Variants in WWOX observed in about 807,000 individuals in gnomAD.
The protein encoded by WWOX is WW domain containing oxidoreductase.
WWOX carries 69 observed loss-of-function variants against 46.2 expected under a neutral mutation model. That is an observed-to-expected ratio of 1.49 (90% confidence interval 1.23 to 1.82). The LOEUF is 1.82. Ranked by LOEUF, WWOX falls within the 40% of genes most tolerant of loss-of-function variation. The pLI is 0.00. For missense variants in WWOX, 919 were observed against 542.6 expected (o/e 1.69, Z -6.89); for synonymous variants, 359 against 202.6 (o/e 1.77, Z -6.56).
At chr16:79,051,491 C>T (rs2048166218) in intron 8 of WWOX, among the ~76,000 whole-genome samples, 1 of 127,686 alleles carries the variant, frequency 7.8e-6, no homozygotes, top group Non-Finnish European at 1.6e-5. Context: ...GCCACTAACA[C>T]TTATGTCATT....
intron 8 of WWOX, among the ~76,000 whole-genome samples, chr16:78,677,145 C>T (rs950930938): frequency 6.6e-6 from 1 of 151,890 alleles, no homozygotes; most frequent in Non-Finnish European, 1.5e-5. Flanking sequence ...ACAGTGTTTA[C>T]AGACCCCAAA....
At position 78,953,026 on chromosome 16, in the gene WWOX, ATTT is replaced by A. The variant is rs34067772; in HGVS notation, c.1057-258572_1057-258570del. ...TGATTTGTGGTTATTGCTTCCCTGG[ATTT>A]TTTTTTTTTCCAGTTGTTGTTGTTC... On this transcript the variant is annotated intron_variant, in intron 8 of 8. Coordinates refer to ENST00000566780, the MANE Select transcript of WWOX (RefSeq NM_016373.4). Among the ~76,000 whole-genome samples, 15 of 147,756 alleles carry A rather than the reference ATTT, an allele frequency of 1.0e-4. 1 individual carries two copies. Among genetic ancestry groups the A allele is most frequent in the Admixed American group, 9.5e-4 (14 of 14,798 alleles).
At chr16:78,862,380 A>G (rs889115438) in intron 8 of WWOX, among the ~76,000 whole-genome samples, 4 of 151,516 alleles carry the variant, frequency 2.6e-5, no homozygotes, top group Middle Eastern at 3.5e-3. Flanking sequence ...TATATAGAGT[A>G]TACATATACA....
chr16:78,353,229 T>C (rs935805468), intron 5 of WWOX, among the ~76,000 whole-genome samples: 2 of 152,182 alleles, frequency 1.3e-5, no homozygotes, highest in Admixed American at 6.5e-5. Flanking sequence ...TGAGATTGTT[T>C]ATGTAGGGGC....
At chr16:78,115,441 G>T (rs1228823488) in intron 4 of WWOX, among the ~76,000 whole-genome samples, 3 of 152,148 alleles carry the variant, frequency 2.0e-5, no homozygotes, top group Non-Finnish European at 4.4e-5. Context: ...AAGAGTTTTT[G>T]ACCTGGTCTG....
chr16:78,760,637 C>G (rs2049768787), intron 8 of WWOX, among the ~76,000 whole-genome samples: 2 of 152,190 alleles, frequency 1.3e-5, no homozygotes, highest in Admixed American at 1.3e-4. Context: ...GTCTTTGGAG[C>G]TCACAGCCAA....
At chr16:79,058,806 G>A (rs2347088) in intron 8 of WWOX, among the ~76,000 whole-genome samples, 94,201 of 152,044 alleles carry the variant, frequency 0.62, 29,683 homozygotes, top group African/African-American at 0.71. Context: ...TTTGTTGTGT[G>A]TGTAAAATTC....
At chr16:78,132,577 C>T (rs542151043) in intron 4 of WWOX, among the ~76,000 whole-genome samples, 3 of 152,104 alleles carry the variant, frequency 2.0e-5, no homozygotes, top group Non-Finnish European at 4.4e-5. Context: ...ATGTCCAGTC[C>T]ATGCTTATAA....
chr16:78,142,843 A>T (rs1489109045), intron 4 of WWOX, among the ~76,000 whole-genome samples: 1 of 152,234 alleles, frequency 6.6e-6, no homozygotes, highest in Admixed American at 6.5e-5. Flanking sequence ...ATTTACTTAG[A>T]AACTGCCTTA....
chr16:78,942,047 C>G (rs2045862216), intron 8 of WWOX, among the ~76,000 whole-genome samples: 1 of 152,134 alleles, frequency 6.6e-6, no homozygotes, highest in Non-Finnish European at 1.5e-5. Context: ...CTCGCCTGGT[C>G]TAGCCGCTGA....
rs534081037 is a variant in WWOX, at chr16:78,778,851, C to A, written c.1056+346099C>A. 6.9e-4 allele frequency among the ~76,000 whole-genome samples: 105 copies of A among 152,294 alleles called. 1 individual carries two copies. Among genetic ancestry groups the A allele is most frequent in the African/African-American group, 2.5e-3 (104 of 41,572 alleles). On this transcript the variant is annotated intron_variant, in intron 8 of 8. Transcript: ENST00000566780. The stretch of plus-strand genomic sequence containing the variant: ...GCTCGTAAAGCCCCGGCGTCTCCTC[C>A]TAGAAGAAACACCCACATTGACCCA...
intron 5 of WWOX, among the ~76,000 whole-genome samples, chr16:78,343,136 G>A (rs1398378605): frequency 1.7e-5 from 2 of 119,870 alleles, no homozygotes; most frequent in Non-Finnish European, 4.0e-5. Flanking sequence ...GACAACAGCA[G>A]GATGCAAGAT....
At chr16:78,863,992 C>T (rs544136590) in intron 8 of WWOX, among the ~76,000 whole-genome samples, 1 of 152,134 alleles carries the variant, frequency 6.6e-6, no homozygotes, top group African/African-American at 2.4e-5. Flanking sequence ...TTTCTCCTTT[C>T]ATCTGTTGAT....
intron 8 of WWOX, among the ~76,000 whole-genome samples, chr16:79,192,865 C>T (rs1271965535): frequency 6.6e-6 from 1 of 152,186 alleles, no homozygotes; most frequent in Non-Finnish European, 1.5e-5. Flanking sequence ...TCTCTGAGCT[C>T]TAATTTCCTC....
chr16:78,378,136 A>G (rs1382446998), intron 5 of WWOX, among the ~76,000 whole-genome samples: 1 of 152,080 alleles, frequency 6.6e-6, no homozygotes. Flanking sequence ...CTGCCTAAAA[A>G]AAAGGAAATC....
At chr16:78,157,626 T>G (rs760891738) in intron 4 of WWOX, among the ~76,000 whole-genome samples, 7 of 152,210 alleles carry the variant, frequency 4.6e-5, no homozygotes, top group Non-Finnish European at 1.0e-4. Context: ...AGTAAGTATT[T>G]TGGAATATGG....
At chr16:78,634,849 T>G (rs1460953626) in intron 8 of WWOX, among the ~76,000 whole-genome samples, 3 of 144,816 alleles carry the variant, frequency 2.1e-5, no homozygotes, top group African/African-American at 5.2e-5. Flanking sequence ...TGTGTGTGTG[T>G]GTGTGTGTGT....
chr16:78,321,016 C>G (rs1043286896), intron 5 of WWOX, among the ~76,000 whole-genome samples: 2 of 152,080 alleles, frequency 1.3e-5, no homozygotes, highest in African/African-American at 4.8e-5. Context: ...GTACTCACAC[C>G]TTAACCAATA....
In WWOX at chr16:78,177,571, C is replaced by G. The variant is rs117303499; in HGVS notation, c.516+13282C>G. Among the ~76,000 whole-genome samples the G allele has an allele frequency of 2.7e-3, 417 of 152,240 alleles. 13 individuals carry two copies. In the East Asian group the frequency reaches 0.056, roughly 21 times the overall value. On this transcript the variant is annotated intron_variant, in intron 5 of 8. Coordinates refer to ENST00000566780, the MANE Select transcript of WWOX (RefSeq NM_016373.4). ...CATCCACAGAGTGTAAGTAGTTTGTCCTGGGAATGGAGATGTCAGGCTTGG... is the reference window on the plus strand; with the variant it reads ...CATCCACAGAGTGTAAGTAGTTTGTGCTGGGAATGGAGATGTCAGGCTTGG...
Sources: allele counts gnomAD v4.1 joint callset (sites outside exome capture counted in the v4.1 genomes callset), GRCh38; gene constraint gnomAD v4.1.1; transcripts MANE v1.5; gene names NCBI Gene and HGNC (gene_info 2026-07-23, HGNC 2026-07-21).